Variants in AHCYL2 observed in about 807,000 individuals in gnomAD.
AHCYL2 encodes S-adenosylhomocysteine hydrolase-like protein 2.
A neutral mutation model predicts 81.4 loss-of-function variants in AHCYL2; 28 were observed. That is an observed-to-expected ratio of 0.34 (90% CI 0.25 to 0.47). AHCYL2 has a LOEUF of 0.47. Among genes scored for constraint, AHCYL2 ranks in the 20% least tolerant of loss-of-function variants. AHCYL2 has a pLI of 1.00. For missense variants in AHCYL2, 551 were observed against 785.1 expected (o/e 0.70, Z 3.56); for synonymous variants, 272 against 290.2 (o/e 0.94, Z 0.64).
chr7:129,300,702 AT>A (rs1483187069), intron 1 of AHCYL2, among the ~76,000 whole-genome samples: 1 of 152,104 alleles, frequency 6.6e-6, no homozygotes, highest in Admixed American at 6.5e-5. Flanking sequence ...TTTATTTTTA[AT>A]TTTTTGAGGA....
intron 1 of AHCYL2, among the ~76,000 whole-genome samples, chr7:129,370,564 G>A (rs574330431): frequency 2.6e-5 from 4 of 152,294 alleles, no homozygotes; most frequent in South Asian, 2.1e-4. Context: ...CGGGCGTGGT[G>A]GCGGGCGCCT....
intron 13 of AHCYL2, 110 bp from the exon 14 acceptor site, chr7:129,424,764 G>T (rs1457843618): frequency 7.1e-6 from 8 of 1,120,138 alleles, no homozygotes; most frequent in South Asian, 6.2e-5. Flanking sequence ...TTTTCCAGCA[G>T]TGTTAGTCAG....
chr7:129,332,315 C>T (rs1798450675), intron 1 of AHCYL2, among the ~76,000 whole-genome samples: 1 of 152,016 alleles, frequency 6.6e-6, no homozygotes, highest in Non-Finnish European at 1.5e-5. Flanking sequence ...ATAAATATTC[C>T]TTCTTCCCCT....
intron 2 of AHCYL2, 75 bp downstream of exon 2, chr7:129,379,824 A>C (rs1213725607): frequency 1.8e-6 from 2 of 1,128,824 alleles, no homozygotes; most frequent in Non-Finnish European, 2.6e-6. Context: ...CTGTCTATCC[A>C]AGGCTAATTA....
chr7:129,396,952 G>C (rs774257814), intron 4 of AHCYL2, among the ~76,000 whole-genome samples: 1 of 152,102 alleles, frequency 6.6e-6, no homozygotes, highest in African/African-American at 2.4e-5. Context: ...GAAAAGTTTT[G>C]GCTCTGAAGT....
At chr7:129,372,155 A>G (rs1253459840) in intron 1 of AHCYL2, among the ~76,000 whole-genome samples, 2 of 152,258 alleles carry the variant, frequency 1.3e-5, no homozygotes, top group Non-Finnish European at 2.9e-5. Flanking sequence ...TTGAAAGAAT[A>G]GAAATATTAA....
chr7:129,244,375 T>G (rs1456155844), intron 1 of AHCYL2, among the ~76,000 whole-genome samples: 4 of 152,068 alleles, frequency 2.6e-5, no homozygotes, highest in African/African-American at 9.7e-5. Context: ...GTTGACTGAG[T>G]ATGTCTTTTC....
rs1796302147 is a variant in AHCYL2, at chr7:129,406,261, A to C, written c.1207-117A>C. The C allele has an allele frequency of 1.2e-6, 1 of 853,076 alleles. No individual in the cohort carries two copies. Among genetic ancestry groups the C allele is most frequent in the Non-Finnish European group, 1.9e-6 (1 of 528,712 alleles). The allele number at this position is 853,076 out of a possible 1,614,324, so 52.8% of individuals were successfully genotyped here. ...TTCTTCTCGTTTTCCCCAAGTATGA[A>C]TCTATTCAGTGAAATTCCTCTCGGG... On this transcript the variant is annotated intron_variant, in intron 9 of 16. Transcript: ENST00000325006. The surrounding 1 kb of genome is among the most constrained non-coding windows in gnomAD (Gnocchi z 4.3).
At position 129,427,957 on chromosome 7, in the gene AHCYL2, C is replaced by T. The variant is rs376861527; in HGVS notation, c.*912C>T. 2.6e-5 allele frequency: 4 copies of T among 152,494 alleles called. No individual in the cohort carries two copies. Among genetic ancestry groups the T allele is most frequent in the Non-Finnish European group, 4.4e-5 (3 of 68,028 alleles). 9.4% of individuals were successfully genotyped at this position (152,494 alleles called of 1,614,324 possible). A position where few individuals can be genotyped will look rare whatever the true frequency, so the allele number is the denominator to read the frequency against. On this transcript the variant is annotated 3_prime_UTR_variant, in exon 17 of 17. Transcript: ENST00000325006. This position sits in a 1 kb window ranked among gnomAD's most constrained non-coding sequence, Gnocchi z 5.5. The stretch of plus-strand genomic sequence containing the variant: ...AACTTCCTGCTATTGCCTAAAGCTA[C>T]GTCTGAAACTGAGTAGGGAAAGGCA...
chr7:129,292,353 C>G (rs1389172742), intron 1 of AHCYL2, among the ~76,000 whole-genome samples: 1 of 152,226 alleles, frequency 6.6e-6, no homozygotes, highest in African/African-American at 2.4e-5. Flanking sequence ...GCAGTTGTCA[C>G]AGCTGTGAGT....
chr7:129,416,364 A>G (rs893029134), intron 12 of AHCYL2, among the ~76,000 whole-genome samples: 3 of 152,244 alleles, frequency 2.0e-5, no homozygotes, highest in Non-Finnish European at 4.4e-5. Context: ...CATAGTGAGA[A>G]GAAAATAAAC....
chr7:129,389,742 C>A lies in AHCYL2; in HGVS notation c.720+8C>A, dbSNP rs1199020233. On this transcript the variant is annotated splice_region_variant and intron_variant, in intron 4 of 16. Transcript: ENST00000325006. ...ATCACTGCTCAGACTGCTGTGAGTTCTTTTCTTTTCTCCTTTTAATTACAA... is the reference window on the plus strand; with the variant it reads ...ATCACTGCTCAGACTGCTGTGAGTTATTTTCTTTTCTCCTTTTAATTACAA... 8.8e-6 allele frequency: 14 copies of A among 1,596,120 alleles called. No individual in the cohort carries two copies. The highest frequency in any genetic ancestry group is 1.2e-5 in the Non-Finnish European group (14 of 1,174,088).
intron 13 of AHCYL2, 39 bp downstream of exon 13, chr7:129,422,977 G>A: frequency 6.3e-7 from 1 of 1,579,884 alleles, no homozygotes; most frequent in Non-Finnish European, 8.7e-7. Flanking sequence ...CCCACAACAG[G>A]AGAGACTGCA....
intron 1 of AHCYL2, among the ~76,000 whole-genome samples, chr7:129,264,425 A>C (rs1795748396): frequency 6.6e-6 from 1 of 152,214 alleles, no homozygotes; most frequent in Non-Finnish European, 1.5e-5. Flanking sequence ...ACGGGATGTA[A>C]AGAGTGTTAT....
chr7:129,259,167 CAA>C (rs1460132571), intron 1 of AHCYL2, among the ~76,000 whole-genome samples: 1 of 152,050 alleles, frequency 6.6e-6, no homozygotes, highest in Non-Finnish European at 1.5e-5. Context: ...CACTCAGCAC[CAA>C]GTCTCTGATA....
intron 1 of AHCYL2, among the ~76,000 whole-genome samples, chr7:129,357,312 G>A (rs1288384893): frequency 1.3e-5 from 2 of 152,206 alleles, no homozygotes; most frequent in Non-Finnish European, 2.9e-5. Flanking sequence ...GAATTTCTTA[G>A]TTTTGATAAT....
rs1797380072 is a variant in AHCYL2 at position 129,426,683 on chromosome 7, T to C, written c.1829+120T>C. ...ATGAACTCAGAAAAATGAACCCACT[T>C]CCCCTCACTGCCACCTTCAAAAGAC... On this transcript the variant is annotated intron_variant, in intron 16 of 16. Coordinates refer to ENST00000325006, the MANE Select transcript of AHCYL2 (RefSeq NM_015328.4). This position sits in a 1 kb window ranked among gnomAD's most constrained non-coding sequence, Gnocchi z 4.3. The C allele has an allele frequency of 7.4e-7, 1 of 1,352,290 alleles. No homozygotes were observed. The highest frequency in any genetic ancestry group is 1.5e-5 in the African/African-American group (1 of 66,752). The allele number at this position is 1,352,290 out of a possible 1,614,324, so 83.8% of individuals were successfully genotyped here.
chr7:129,388,909 G>T (rs1795324643), intron 2 of AHCYL2, 147 bp from the exon 3 acceptor site: 8 of 740,906 alleles, frequency 1.1e-5, no homozygotes, highest in Middle Eastern at 3.8e-4. Flanking sequence ...CCCTCTTCTG[G>T]CATGTGTATA....
intron 10 of AHCYL2, among the ~76,000 whole-genome samples, chr7:129,409,022 A>T (rs909976462): frequency 6.6e-6 from 1 of 152,006 alleles, no homozygotes; most frequent in African/African-American, 2.4e-5. Context: ...GCTGTAGTGC[A>T]CTATGATTAT....
Sources: gnomAD v4.1 joint callset for allele counts (sites outside exome capture counted in the v4.1 genomes callset) on GRCh38, gnomAD v4.1.1 for gene constraint, Gnocchi (gnomAD v3.1) non-coding constraint, MANE v1.5 for transcripts, NCBI Gene and HGNC (gene_info 2026-07-23, HGNC 2026-07-21) for gene names.